ADCY3: variants seen among roughly 807,000 people sequenced by gnomAD.
The protein encoded by ADCY3 is adenylate cyclase type 3.
ADCY3 carries 70 observed loss-of-function variants against 119.4 expected under a neutral mutation model. That is an observed-to-expected ratio of 0.59 (90% CI 0.48 to 0.72). The LOEUF is 0.72. Among genes scored for constraint, ADCY3 ranks in the 30% least tolerant of loss-of-function variants. The probability of loss-of-function intolerance (pLI) is 0.00; values close to 1 mark genes in which losing one functional copy is unlikely to be tolerated. For synonymous variants in ADCY3, 672 were observed against 621.4 expected, an observed-to-expected ratio of 1.08 and a Z score of -1.21; for missense variants, 1,238 against 1,541.6, an observed-to-expected ratio of 0.80 and a Z score of 3.30.
chr2:24,837,250 C>T (rs1198623192), intron 8 of ADCY3, among the ~76,000 whole-genome samples: 1 of 152,130 alleles, frequency 6.6e-6, no homozygotes, highest in Non-Finnish European at 1.5e-5. Flanking sequence ...ATGGAACTGC[C>T]ATTAACTGAG....
At chr2:24,848,215 T>C (rs1671878149) in intron 3 of ADCY3, among the ~76,000 whole-genome samples, 1 of 152,258 alleles carries the variant, frequency 6.6e-6, no homozygotes, top group African/African-American at 2.4e-5. Flanking sequence ...ACACCTGGCC[T>C]GCCCAGGGTG....
At chr2:24,856,265 G>A (rs1672987709) in intron 3 of ADCY3, among the ~76,000 whole-genome samples, 1 of 152,160 alleles carries the variant, frequency 6.6e-6, no homozygotes, top group Admixed American at 6.5e-5. Flanking sequence ...TACAGTGTCT[G>A]CATGAGGTAT....
intron 20 of ADCY3, 114 bp from the exon 21 acceptor site, chr2:24,820,962 G>A: frequency 6.9e-7 from 1 of 1,439,760 alleles, no homozygotes; most frequent in Non-Finnish European, 9.4e-7. Flanking sequence ...ACACATCATT[G>A]TCCTCATTCA....
chr2:24,820,643 CAG>C, intron 21 of ADCY3, 79 bp downstream of exon 21: 1 of 1,582,212 alleles, frequency 6.3e-7, no homozygotes, highest in Non-Finnish European at 8.6e-7. Context: ...GGGTGGGAGG[CAG>C]GGGCACGTGG....
chr2:24,836,762 G>T (rs1229553888), intron 9 of ADCY3, among the ~76,000 whole-genome samples, 155 bp downstream of exon 9: 1 of 152,176 alleles, frequency 6.6e-6, no homozygotes, highest in Non-Finnish European at 1.5e-5. Context: ...GGCTGGAGGG[G>T]TGACCTGTCC....
intron 21 of ADCY3, chr2:24,820,337 C>G: frequency 3.0e-6 from 4 of 1,331,600 alleles, no homozygotes; most frequent in East Asian, 3.0e-5. Context: ...CATCCAGAGA[C>G]TTCTCTCCTA....
At chr2:24,908,152 T>C (rs981559058) in intron 2 of ADCY3, among the ~76,000 whole-genome samples, 3 of 151,828 alleles carry the variant, frequency 2.0e-5, no homozygotes, top group African/African-American at 4.8e-5. Context: ...AGAAACCCCA[T>C]CTCTACTAAA....
At chr2:24,874,734 G>A (rs1238691047) in intron 2 of ADCY3, among the ~76,000 whole-genome samples, 1 of 152,218 alleles carries the variant, frequency 6.6e-6, no homozygotes, top group Non-Finnish European at 1.5e-5. Context: ...GCTCAGAGTA[G>A]TGGTTGGACC....
At chr2:24,900,450 G>A (rs4076813) in intron 2 of ADCY3, among the ~76,000 whole-genome samples, 4,591 of 152,070 alleles carry the variant, frequency 0.03, 97 homozygotes, top group African/African-American at 0.058. Flanking sequence ...AAATGGGGGG[G>A]CCATACCCCC....
intron 13 of ADCY3, among the ~76,000 whole-genome samples, chr2:24,828,607 T>C (rs570238107): frequency 1.1e-4 from 17 of 152,300 alleles, no homozygotes; most frequent in South Asian, 4.1e-4. Flanking sequence ...AATCCTTCCA[T>C]TGGGGGGATG....
chr2:24,877,085 C>T (rs1351929053), intron 2 of ADCY3, among the ~76,000 whole-genome samples: 1 of 152,224 alleles, frequency 6.6e-6, no homozygotes, highest in Admixed American at 6.5e-5. Context: ...ATCACTTGTA[C>T]TGCTGCACCC....
intron 2 of ADCY3, among the ~76,000 whole-genome samples, chr2:24,905,862 T>C (rs2149021661): frequency 6.6e-6 from 1 of 152,224 alleles, no homozygotes; most frequent in East Asian, 1.9e-4. Flanking sequence ...ATCTCACAGT[T>C]GGTAAGTGGG....
Position 24,820,840 on chromosome 2 carries a change from T to C in ADCY3, c.3136A>G (p.Lys1046Glu), listed in dbSNP as rs1270118352. The C allele has an allele frequency of 1.2e-6, 2 of 1,613,948 alleles. No homozygotes were observed. The highest frequency in any genetic ancestry group is 4.5e-5 in the East Asian group (2 of 44,888). The change falls in exon 21 of 22, where the codon AAA (lysine) becomes GAA (glutamate). Residue 1046 changes from lysine to glutamate, a missense_variant. Transcript: ENST00000679454. ...NNFMLRIGMNKGGVLAGVIGA... is the reference protein window; with the variant it reads ...NNFMLRIGMNEGGVLAGVIGA... Reference sequence around the variant, plus strand: ...ATGACCCCAGCCAGAACCCCGCCTTTGTTCATGCCTAGGGTAGAGGCATAA... The same window carrying C: ...ATGACCCCAGCCAGAACCCCGCCTTCGTTCATGCCTAGGGTAGAGGCATAA...
At chr2:24,827,870 C>T (rs201034328) in intron 14 of ADCY3, 32 bp downstream of exon 14, 1 of 1,612,324 alleles carries the variant, frequency 6.2e-7, no homozygotes, top group South Asian at 1.1e-5. Context: ...AGGAAGGAGA[C>T]AATACAGATC....
chr2:24,878,501 A>G lies in ADCY3; in HGVS notation c.676-5782T>C, dbSNP rs1460578399. 6.6e-6 allele frequency among the ~76,000 whole-genome samples: 1 copy of G among 152,156 alleles called. No individual in the cohort carries two copies. The highest frequency in any genetic ancestry group is 6.5e-5 in the Admixed American group (1 of 15,280). ...TGTGGAGAAGAAGCTGAGCAAGAGA[A>G]AGCTGCTCAGGGTGCAGTGTCCGTG... On this transcript the variant is annotated intron_variant, in intron 2 of 21. Transcript: ENST00000679454. This position sits in a 1 kb window ranked among gnomAD's most constrained non-coding sequence, Gnocchi z 4.0.
At chr2:24,868,055 G>A (rs1407927323) in intron 3 of ADCY3, among the ~76,000 whole-genome samples, 1 of 152,052 alleles carries the variant, frequency 6.6e-6, no homozygotes, top group Non-Finnish European at 1.5e-5. Context: ...ATTCTCAAGT[G>A]CATCAAAACT....
At chr2:24,887,848 T>C (rs1404981879) in intron 2 of ADCY3, among the ~76,000 whole-genome samples, 7 of 152,204 alleles carry the variant, frequency 4.6e-5, no homozygotes, top group African/African-American at 9.6e-5. Context: ...CTATGATGTG[T>C]GTAAAGAGCC....
intron 2 of ADCY3, among the ~76,000 whole-genome samples, chr2:24,885,964 C>T (rs1176305028): frequency 2.6e-5 from 4 of 152,184 alleles, no homozygotes; most frequent in African/African-American, 9.7e-5. Flanking sequence ...TTTGAGAGCT[C>T]TTAAACTTCC....
chr2:24,820,386 G>A (rs1423844543), intron 21 of ADCY3: 1 of 1,314,594 alleles, frequency 7.6e-7, no homozygotes, highest in Non-Finnish European at 9.7e-7. Flanking sequence ...ACTGTTACCT[G>A]GAAACTGCCA....
Sources: gnomAD v4.1 joint callset for allele counts (sites outside exome capture counted in the v4.1 genomes callset) on GRCh38, gnomAD v4.1.1 for gene constraint, Gnocchi (gnomAD v3.1) non-coding constraint, MANE v1.5 for transcripts, NCBI Gene and HGNC (gene_info 2026-07-23, HGNC 2026-07-21) for gene names.